Variants in ABR observed in about 807,000 individuals in gnomAD.
ABR encodes ABR activator of RhoGEF and GTPase.
ABR carries 35 observed loss-of-function variants against 107.2 expected under a neutral mutation model. That is an observed-to-expected ratio of 0.33 (90% confidence interval 0.25 to 0.43). The LOEUF is 0.43. ABR is among the 20% of genes least tolerant of loss of function. The probability of loss-of-function intolerance (pLI) is 1.00; values close to 1 mark genes in which losing one functional copy is unlikely to be tolerated. For synonymous variants in ABR, 498 were observed against 462.0 expected, an observed-to-expected ratio of 1.08 and a Z score of -1.00; for missense variants, 815 against 1,115.2, an observed-to-expected ratio of 0.73 and a Z score of 3.83.
chr17:1,009,184 T>TTC (rs1325520567), intron 21 of ABR, among the ~76,000 whole-genome samples: 4 of 63,950 alleles, frequency 6.3e-5, no homozygotes, highest in Non-Finnish European at 1.7e-4. Context: ...CTGCTGTCCA[T>TTC]CCCCACTGCT....
In ABR at chr17:1,010,479, A is replaced by C; in HGVS notation, c.2236+250T>G. On this transcript the variant is annotated intron_variant, in intron 20 of 22. Transcript: ENST00000302538. The surrounding 1 kb of genome is among the most constrained non-coding windows in gnomAD (Gnocchi z 4.1). ...CTTCCAAGCAAGAGGCCAACGTCCA[A>C]ATAGGAAGCAGAAGGGGCTGCCCAT... is the stretch of plus-strand genomic sequence containing the variant. The C allele has an allele frequency of 1.9e-6, 1 of 526,370 alleles. No individual in the cohort carries two copies. The highest frequency in any genetic ancestry group is 3.4e-6 in the Non-Finnish European group (1 of 294,998). The allele number at this position is 526,370 out of a possible 1,614,324, so 32.6% of individuals were successfully genotyped here.
chr17:1,018,906 CGA>C (rs1429308531), intron 16 of ABR, among the ~76,000 whole-genome samples: 4 of 152,168 alleles, frequency 2.6e-5, no homozygotes, highest in Non-Finnish European at 4.4e-5. Flanking sequence ...TGCAGCTTAA[CGA>C]GAGTGAGGAA....
chr17:1,011,794 C>T lies in ABR; in HGVS notation c.2101+52G>A. ...CCCCGAGCTCTCCTGTCCATCCCACCAGCCTGCTCAGACACAGCCACACCT... is the reference window on the plus strand; with the variant it reads ...CCCCGAGCTCTCCTGTCCATCCCACTAGCCTGCTCAGACACAGCCACACCT... On this transcript the variant is annotated intron_variant, in intron 19 of 22. Coordinates refer to ENST00000302538, the MANE Select transcript of ABR (RefSeq NM_021962.5). This position sits in a 1 kb window ranked among gnomAD's most constrained non-coding sequence, Gnocchi z 4.8. 6.6e-7 allele frequency: 1 copy of T among 1,524,686 alleles called. No individual in the cohort carries two copies. Among genetic ancestry groups the T allele is most frequent in the Non-Finnish European group, 8.8e-7 (1 of 1,131,222 alleles). The allele number at this position is 1,524,686 out of a possible 1,614,324, so 94.4% of individuals were successfully genotyped here. A position where few individuals can be genotyped will look rare whatever the true frequency, so the allele number is the denominator to read the frequency against.
chr17:1,114,169 CAA>C (rs72267709), intron 2 of ABR, among the ~76,000 whole-genome samples: 5 of 131,478 alleles, frequency 3.8e-5, no homozygotes, highest in Admixed American at 7.7e-5. Flanking sequence ...GACCCTGTCT[CAA>C]AAAAAAAAAA....
chr17:1,055,630 G>A (rs2033182167), intron 14 of ABR: 1 of 166,544 alleles, frequency 6.0e-6, no homozygotes, highest in Middle Eastern at 2.8e-3. Context: ...CGGGTTCAAG[G>A]GATTCTCTGG....
At chr17:1,193,272 CT>C (rs200676516) in intron 1 of ABR, among the ~76,000 whole-genome samples, 1,847 of 147,986 alleles carry the variant, frequency 0.012, 45 homozygotes, top group Non-Finnish European at 0.017. Context: ...GGGACACCCC[CT>C]CCCCCTCAAT....
At chr17:1,217,838 G>A (rs140771131) in intron 1 of ABR, among the ~76,000 whole-genome samples, 4,482 of 152,256 alleles carry the variant, frequency 0.029, 108 homozygotes, top group Admixed American at 0.068. Context: ...GGGATTACAG[G>A]CACGTGCCAC....
intron 10 of ABR, among the ~76,000 whole-genome samples, chr17:1,062,590 G>C (rs1372264920): frequency 9.3e-5 from 13 of 140,178 alleles, no homozygotes; most frequent in East Asian, 8.3e-4. Context: ...TATGTGAACT[G>C]AGGGTTATGC....
At chr17:1,024,444 C>T (rs954762172) in intron 16 of ABR, among the ~76,000 whole-genome samples, 3 of 152,204 alleles carry the variant, frequency 2.0e-5, no homozygotes, top group African/African-American at 7.2e-5. Context: ...GGCTAAGCCA[C>T]TCACGTGACT....
In ABR at chr17:1,050,315, G is replaced by C; in HGVS notation, c.1660-134C>G. ...CGAAGGACACGTCAGATTTTCTGGA[G>C]CTCCCAGAGGCCTCCCATCACCCCT... On this transcript the variant is annotated intron_variant, in intron 15 of 22. Transcript: ENST00000302538. The surrounding 1 kb of genome is among the most constrained non-coding windows in gnomAD (Gnocchi z 4.6). 1 of 1,211,674 alleles carries C rather than the reference G, an allele frequency of 8.3e-7. No homozygotes were observed. Among genetic ancestry groups the C allele is most frequent in the Non-Finnish European group, 1.1e-6 (1 of 880,022 alleles). 75.1% of individuals were successfully genotyped at this position (1,211,674 alleles called of 1,614,324 possible).
At chr17:1,023,024 C>A (rs1022128236) in intron 16 of ABR, among the ~76,000 whole-genome samples, 2 of 145,832 alleles carry the variant, frequency 1.4e-5, no homozygotes, top group Non-Finnish European at 3.0e-5. Context: ...GCCGGCCCCA[C>A]GTCCACTGCA....
chr17:1,113,283 T>TG (rs1330574047), intron 2 of ABR, among the ~76,000 whole-genome samples: 3 of 136,984 alleles, frequency 2.2e-5, no homozygotes, highest in African/African-American at 8.2e-5. Context: ...TTGCGATTTT[T>TG]TTTTTTTTTT....
At chr17:1,056,885 G>A (rs921339109) in intron 13 of ABR, 113 bp downstream of exon 13, 7 of 714,350 alleles carry the variant, frequency 9.8e-6, no homozygotes, top group East Asian at 5.4e-5. Context: ...CAGCACAGCC[G>A]AGCAGGGATC....
At chr17:1,218,902 C>G (rs545514400) in intron 1 of ABR, among the ~76,000 whole-genome samples, 12 of 152,138 alleles carry the variant, frequency 7.9e-5, no homozygotes, top group Non-Finnish European at 1.8e-4. Flanking sequence ...AAGGAAATCG[C>G]GTTTTTCAGA....
chr17:1,209,346 G>A (rs1401057658), intron 1 of ABR, among the ~76,000 whole-genome samples: 1 of 149,990 alleles, frequency 6.7e-6, no homozygotes. Flanking sequence ...GTGTGATCTC[G>A]GCTCACCGCA....
chr17:1,164,678 T>C (rs889970089), intron 1 of ABR, among the ~76,000 whole-genome samples: 2 of 152,220 alleles, frequency 1.3e-5, no homozygotes, highest in African/African-American at 4.8e-5. Context: ...CTTACTTTTC[T>C]TTTTTTGAGA....
chr17:1,073,715 T>A (rs373545927), intron 6 of ABR, 38 bp from the exon 7 acceptor site: 5 of 1,566,290 alleles, frequency 3.2e-6, no homozygotes, highest in Admixed American at 1.8e-5. Flanking sequence ...AAGAGGATGA[T>A]GGACGAGGGC....
At position 1,018,192 on chromosome 17, in the gene ABR, G is replaced by A. The variant is rs183604395; in HGVS notation, c.1792-5028C>T. On this transcript the variant is annotated intron_variant, in intron 16 of 22. Transcript: ENST00000302538. ...TGAGTAGCTGGGACTACAGGCGCCC[G>A]CCACCACCCCCGGCTAATTTTTTGT... Among the ~76,000 whole-genome samples the A allele has an allele frequency of 3.9e-3, 590 of 151,976 alleles. 5 individuals carry two copies. Among genetic ancestry groups the A allele is most frequent in the Middle Eastern group, 0.017 (5 of 294 alleles).
At chr17:1,185,002 C>T (rs936528807) in intron 1 of ABR, 7 of 152,154 alleles carry the variant, frequency 4.6e-5, no homozygotes, top group African/African-American at 1.7e-4. Context: ...TGGAAATGAA[C>T]CAAGTCTGAA....
Sources: allele counts gnomAD v4.1 joint callset (sites outside exome capture counted in the v4.1 genomes callset), GRCh38; gene constraint gnomAD v4.1.1; non-coding constraint Gnocchi (gnomAD v3.1); transcripts MANE v1.5; gene names NCBI Gene and HGNC (gene_info 2026-07-23, HGNC 2026-07-21).